Variants in AUTS2 observed in about 807,000 individuals in gnomAD.
AUTS2 encodes the protein autism susceptibility gene 2 protein.
In AUTS2, 17 loss-of-function variants were observed where a neutral mutation model predicts 112.4. The observed-to-expected ratio is 0.15, with a 90% CI of 0.10 to 0.23. AUTS2 has a LOEUF of 0.23. Ranked by LOEUF, AUTS2 falls within the 10% of genes least tolerant of loss-of-function variation. AUTS2 has a pLI of 1.00. For synonymous variants in AUTS2, 751 were observed against 702.7 expected, an observed-to-expected ratio of 1.07 and a Z score of -1.09; for missense variants, 1,510 against 1,701.6, an observed-to-expected ratio of 0.89 and a Z score of 1.98.
At chr7:69,888,540 GATATATATATATATATAT>G (rs60804022) in intron 1 of AUTS2, among the ~76,000 whole-genome samples, 9 of 99,232 alleles carry the variant, frequency 9.1e-5, no homozygotes, top group African/African-American at 1.7e-4. Context: ...CAACATTGGG[GATATATATATATATATAT>G]ATATATATAT....
chr7:69,673,136 T>C (rs1463544550), intron 1 of AUTS2, among the ~76,000 whole-genome samples: 2 of 152,220 alleles, frequency 1.3e-5, no homozygotes, highest in African/African-American at 4.8e-5. Context: ...TTACTAGCCC[T>C]AGATACTTAA....
At chr7:70,269,465 A>G (rs1462844579) in intron 4 of AUTS2, among the ~76,000 whole-genome samples, 4 of 152,190 alleles carry the variant, frequency 2.6e-5, no homozygotes, top group African/African-American at 9.7e-5. Flanking sequence ...CCACTGGTTC[A>G]TGGGATTCTT....
intron 2 of AUTS2, among the ~76,000 whole-genome samples, chr7:69,941,353 A>G (rs1416612427): frequency 6.6e-6 from 1 of 152,216 alleles, no homozygotes; most frequent in Middle Eastern, 3.2e-3. Context: ...CACATGGGTA[A>G]CAATTTCAGT....
At chr7:70,650,369 A>G (rs143842963) in intron 5 of AUTS2, among the ~76,000 whole-genome samples, 74 of 152,310 alleles carry the variant, frequency 4.9e-4, no homozygotes, top group African/African-American at 1.6e-3. Flanking sequence ...GCAGTACCTG[A>G]ACAAAACCTG....
At chr7:69,926,928 T>A (rs888069999) in intron 2 of AUTS2, among the ~76,000 whole-genome samples, 1 of 146,642 alleles carries the variant, frequency 6.8e-6, no homozygotes, top group African/African-American at 2.5e-5. Flanking sequence ...TATATATCTA[T>A]CATATCTTTA....
Position 69,599,743 on chromosome 7 carries a change from G to T in AUTS2, c.90G>T (p.Leu30=). Residue 30 remains leucine, a synonymous_variant, in exon 1 of 19, where the codon CTG becomes CTT. Coordinates refer to ENST00000342771, the MANE Select transcript of AUTS2 (RefSeq NM_015570.4). The surrounding 1 kb of genome is among the most constrained non-coding windows in gnomAD (Gnocchi z 7.0). ...GGGAGAGGCGCTCCCGGGGCGGGCTGGGGGCCGGCGCGGCCGGCGGCGGCG... is the reference window on the plus strand; with the variant it reads ...GGGAGAGGCGCTCCCGGGGCGGGCTTGGGGCCGGCGCGGCCGGCGGCGGCG... ...RDRERRSRGG[L]GAGAAGGGGA... is the part of the protein sequence containing the mutation. 4.4e-6 allele frequency: 6 copies of T among 1,350,534 alleles called. No homozygotes were observed. The highest frequency in any genetic ancestry group is 5.7e-6 in the Non-Finnish European group (6 of 1,055,904). The allele number at this position is 1,350,534 out of a possible 1,614,324, so 83.7% of individuals were successfully genotyped here.
Position 69,899,407 on chromosome 7 carries a change from A to G in AUTS2, c.431A>G (p.His144Arg). 1 of 1,614,030 alleles carries G rather than the reference A, an allele frequency of 6.2e-7. No individual in the cohort carries two copies. The highest frequency in any genetic ancestry group is 1.1e-5 in the South Asian group (1 of 91,078). ...CATTCAAAGAAGAGCAGACTCAGCC[A>G]CCCACACCACTACAGCTCAGATCGA... ...SFHSKKSRLS[H>R]PHHYSSDREN... Residue 144 changes from histidine to arginine, a missense_variant, in exon 2 of 19, where the codon CAC (histidine) becomes CGC (arginine). This residue lies in a region of AUTS2 where 535 missense variants were observed against 594.3 expected (regional missense o/e 0.90). Coordinates refer to ENST00000342771, the MANE Select transcript of AUTS2 (RefSeq NM_015570.4).
intron 2 of AUTS2, among the ~76,000 whole-genome samples, chr7:70,052,254 G>C (rs1312097335): frequency 5.9e-5 from 9 of 152,118 alleles, no homozygotes; most frequent in Non-Finnish European, 1.0e-4. Context: ...ATTCATGATA[G>C]GGGGTTCCAG....
intron 1 of AUTS2, among the ~76,000 whole-genome samples, chr7:69,632,602 CCT>C (rs983915997): frequency 4.7e-4 from 70 of 148,596 alleles, no homozygotes; most frequent in African/African-American, 1.7e-3. Context: ...TGCCTTCTCC[CCT>C]CTCCCCTCTT....
intron 4 of AUTS2, among the ~76,000 whole-genome samples, chr7:70,397,028 A>G (rs892651087): frequency 1.3e-5 from 2 of 151,674 alleles, no homozygotes; most frequent in Non-Finnish European, 2.9e-5. Context: ...ATCTTCACCA[A>G]CACTTTGTAT....
intron 5 of AUTS2, among the ~76,000 whole-genome samples, chr7:70,594,161 G>A (rs1042788273): frequency 1.1e-4 from 17 of 152,130 alleles, no homozygotes; most frequent in Admixed American, 3.3e-4. Context: ...CTGTGGCTGA[G>A]GGGAGGGGCG....
At chr7:69,668,415 G>A (rs182352125) in intron 1 of AUTS2, among the ~76,000 whole-genome samples, 2 of 152,188 alleles carry the variant, frequency 1.3e-5, no homozygotes, top group Non-Finnish European at 1.5e-5. Context: ...CATGTAGTGT[G>A]CCACACCCTC....
At chr7:69,895,917 C>A (rs1794724606) in intron 1 of AUTS2, among the ~76,000 whole-genome samples, 1 of 152,180 alleles carries the variant, frequency 6.6e-6, no homozygotes, top group African/African-American at 2.4e-5. Flanking sequence ...TGATCCTCTA[C>A]ATGCATATGA....
rs60040643 is a variant in AUTS2, at chr7:70,764,035, G to A, written c.1214+694G>A. 7.0e-3 allele frequency among the ~76,000 whole-genome samples: 1,062 copies of A among 152,334 alleles called. 15 individuals are homozygous for A. Among genetic ancestry groups the A allele is most frequent in the African/African-American group, 0.024 (1,009 of 41,582 alleles). ...GAAACCCAGTGTGCAGCGCCAAGTA[G>A]AGCCGAGCCCTGGTGCCCCGGGGGC... is the stretch of plus-strand genomic sequence containing the variant. On this transcript the variant is annotated intron_variant, in intron 7 of 18. Transcript: ENST00000342771.
At chr7:70,782,898 G>A (rs1029085981) in intron 15 of AUTS2, 1 of 152,170 alleles carries the variant, frequency 6.6e-6, no homozygotes, top group African/African-American at 2.4e-5. Flanking sequence ...CGTCCCCCTG[G>A]AGGGTAGATG....
chr7:70,087,297 A>T (rs891870934), intron 2 of AUTS2, among the ~76,000 whole-genome samples: 20 of 151,434 alleles, frequency 1.3e-4, no homozygotes, highest in African/African-American at 4.6e-4. Flanking sequence ...AAAACATGAT[A>T]TATTTTTATA....
intron 5 of AUTS2, among the ~76,000 whole-genome samples, chr7:70,615,621 C>A (rs983653695): frequency 1.3e-5 from 2 of 151,108 alleles, no homozygotes; most frequent in Non-Finnish European, 2.9e-5. Flanking sequence ...CATTTATTCT[C>A]TTTAGGAGCC....
chr7:70,732,436 C>T (rs1392164636), intron 6 of AUTS2, among the ~76,000 whole-genome samples: 1 of 152,132 alleles, frequency 6.6e-6, no homozygotes, highest in Non-Finnish European at 1.5e-5. Flanking sequence ...AGAAGTGGGT[C>T]TCAGTATCCG....
intron 6 of AUTS2, among the ~76,000 whole-genome samples, chr7:70,731,817 G>A (rs888845191): frequency 1.3e-5 from 2 of 150,654 alleles, no homozygotes; most frequent in Admixed American, 6.6e-5. Flanking sequence ...CATCCCCCCC[G>A]CACAAATAGA....
Sources: allele counts gnomAD v4.1 joint callset (sites outside exome capture counted in the v4.1 genomes callset), GRCh38; gene constraint gnomAD v4.1.1; regional missense constraint gnomAD v4.1.1; non-coding constraint Gnocchi (gnomAD v3.1); transcripts MANE v1.5; gene names NCBI Gene and HGNC (gene_info 2026-07-23, HGNC 2026-07-21).